Variants in NRXN3 observed in about 807,000 individuals in gnomAD.
NRXN3 encodes the protein neurexin 3.
A neutral mutation model predicts 137.6 loss-of-function variants in NRXN3; 32 were observed. The ratio of observed to expected loss-of-function variants is 0.23; its 90% CI spans 0.18 to 0.31. NRXN3 has a LOEUF of 0.31. Ranked by LOEUF, NRXN3 falls within the 10% of genes least tolerant of loss-of-function variation. NRXN3 has a pLI of 1.00. For missense variants in NRXN3, 1,574 were observed against 2,062.5 expected (o/e 0.76, Z 4.59); for synonymous variants, 798 against 784.5 (o/e 1.02, Z -0.29).
chr14:79,359,234 A>C (rs1158627779), intron 15 of NRXN3, among the ~76,000 whole-genome samples: 1 of 152,164 alleles, frequency 6.6e-6, no homozygotes, highest in African/African-American at 2.4e-5. Flanking sequence ...ATAAAGAAAT[A>C]AAGTCTTTTC....
chr14:79,591,431 A>G (rs2097802318), intron 16 of NRXN3, among the ~76,000 whole-genome samples: 2 of 152,326 alleles, frequency 1.3e-5, no homozygotes, highest in African/African-American at 4.8e-5. Context: ...GTTATTTTCT[A>G]TCTTGGTCCA....
chr14:79,826,891 T>C (rs2099304271), intron 20 of NRXN3, among the ~76,000 whole-genome samples: 1 of 152,024 alleles, frequency 6.6e-6, no homozygotes, highest in Admixed American at 6.6e-5. Flanking sequence ...AGCGGGAAGA[T>C]AGAGCCTGTG....
chr14:79,178,854 A>T (rs186811248), intron 15 of NRXN3, among the ~76,000 whole-genome samples: 1 of 152,342 alleles, frequency 6.6e-6, no homozygotes, highest in Admixed American at 6.5e-5. Flanking sequence ...AATGTCATTG[A>T]GTCAGCAGCT....
intron 15 of NRXN3, among the ~76,000 whole-genome samples, chr14:79,462,272 C>T (rs1470534473): frequency 6.6e-6 from 1 of 151,930 alleles, no homozygotes; most frequent in Non-Finnish European, 1.5e-5. Context: ...ACTTGGGAGG[C>T]TGAGAGAGGA....
At chr14:78,688,266 G>T (rs1222016245) in intron 6 of NRXN3, among the ~76,000 whole-genome samples, 1 of 152,124 alleles carries the variant, frequency 6.6e-6, no homozygotes. Flanking sequence ...GAACATGAGG[G>T]CTCTCAACAG....
rs536361767 is a variant in NRXN3 at position 78,351,950 on chromosome 14, G to A, written c.757+54090G>A. 1.2e-3 allele frequency among the ~76,000 whole-genome samples: 182 copies of A among 151,968 alleles called. 1 individual carries two copies. The highest frequency in any genetic ancestry group is 4.2e-3 in the African/African-American group (175 of 41,466). On this transcript the variant is annotated intron_variant, in intron 4 of 20. Coordinates refer to ENST00000335750, the MANE Select transcript of NRXN3 (RefSeq NM_001330195.2). ...TGCCATACAAAAATTAGCCAGGTGT[G>A]TTGGCGAGCACCTGTAGTCCTAGCT...
intron 4 of NRXN3, among the ~76,000 whole-genome samples, chr14:78,598,760 G>C (rs1695678699): frequency 6.6e-6 from 1 of 152,240 alleles, no homozygotes; most frequent in African/African-American, 2.4e-5. Flanking sequence ...GCTAAGGTTT[G>C]CAGAGGAGCA....
intron 15 of NRXN3, among the ~76,000 whole-genome samples, chr14:79,132,142 C>T (rs961028478): frequency 7.9e-5 from 12 of 152,252 alleles, no homozygotes; most frequent in African/African-American, 2.4e-4. Flanking sequence ...CCGTCTTCTG[C>T]GTTGCTCACG....
chr14:79,556,703 G>A (rs1173370099), intron 16 of NRXN3, among the ~76,000 whole-genome samples: 1 of 152,080 alleles, frequency 6.6e-6, no homozygotes, highest in African/African-American at 2.4e-5. Context: ...CTACAGGCAT[G>A]CACCATCACA....
At chr14:79,547,988 A>G (rs1359477088) in intron 16 of NRXN3, among the ~76,000 whole-genome samples, 1 of 151,978 alleles carries the variant, frequency 6.6e-6, no homozygotes, top group Non-Finnish European at 1.5e-5. Flanking sequence ...TCAGTGGGAG[A>G]AGCCAAGAAT....
intron 4 of NRXN3, among the ~76,000 whole-genome samples, chr14:78,433,966 G>A (rs752174206): frequency 6.6e-6 from 1 of 151,884 alleles, no homozygotes; most frequent in Non-Finnish European, 1.5e-5. Flanking sequence ...AATATTGTAA[G>A]TTGAAAATAC....
At chr14:78,225,544 G>T (rs913329772) in intron 1 of NRXN3, among the ~76,000 whole-genome samples, 1 of 151,804 alleles carries the variant, frequency 6.6e-6, no homozygotes, top group Non-Finnish European at 1.5e-5. Context: ...CTCCCATTTT[G>T]TAGGTTGCCT....
intron 15 of NRXN3, among the ~76,000 whole-genome samples, chr14:79,155,700 A>T (rs1030849036): frequency 2.0e-5 from 3 of 151,730 alleles, no homozygotes; most frequent in East Asian, 1.9e-4. Context: ...GTCCTCATTT[A>T]AAAAAAATAA....
At chr14:78,773,058 G>A (rs962466281) in intron 8 of NRXN3, among the ~76,000 whole-genome samples, 20 of 152,164 alleles carry the variant, frequency 1.3e-4, no homozygotes, top group Admixed American at 1.2e-3. Context: ...CTGAGTAGAC[G>A]AGGCCTGTGA....
intron 19 of NRXN3, among the ~76,000 whole-genome samples, chr14:79,706,337 T>A (rs2098778912): frequency 6.6e-6 from 1 of 152,078 alleles, no homozygotes; most frequent in Non-Finnish European, 1.5e-5. Context: ...ACTTAATCCT[T>A]AATTCTCCTA....
At chr14:79,032,301 C>T (rs1454720443) in intron 15 of NRXN3, among the ~76,000 whole-genome samples, 5 of 152,230 alleles carry the variant, frequency 3.3e-5, no homozygotes, top group Middle Eastern at 3.4e-3. Context: ...GGCATCAAGT[C>T]GTTATTAAAC....
At chr14:78,230,328 GTCTC>G (rs112795410) in intron 1 of NRXN3, among the ~76,000 whole-genome samples, 40 of 148,680 alleles carry the variant, frequency 2.7e-4, no homozygotes, top group African/African-American at 6.9e-4. Flanking sequence ...GTCTCTGTCT[GTCTC>G]TCTCTCTCTC....
At chr14:79,046,536 TC>T (rs1381641515) in intron 15 of NRXN3, among the ~76,000 whole-genome samples, 6 of 152,156 alleles carry the variant, frequency 3.9e-5, no homozygotes, top group Admixed American at 1.3e-4. Context: ...TTCTGTCAAA[TC>T]CCTCCCTGTA....
intron 15 of NRXN3, among the ~76,000 whole-genome samples, chr14:79,057,771 G>C (rs1227274378): frequency 6.6e-6 from 1 of 152,148 alleles, no homozygotes; most frequent in Non-Finnish European, 1.5e-5. Flanking sequence ...GGCAGTGAAC[G>C]GGAGGTCAGT....
Sources: gnomAD v4.1 joint callset for allele counts (sites outside exome capture counted in the v4.1 genomes callset) on GRCh38, gnomAD v4.1.1 for gene constraint, MANE v1.5 for transcripts, NCBI Gene and HGNC (gene_info 2026-07-23, HGNC 2026-07-21) for gene names.